JAK2: variants seen among roughly 807,000 people sequenced by gnomAD.
JAK2 encodes tyrosine-protein kinase JAK2.
JAK2 carries 86 observed loss-of-function variants against 139.3 expected under a neutral mutation model. The ratio of observed to expected loss-of-function variants is 0.62; its 90% CI spans 0.52 to 0.74. The LOEUF is 0.74. Ranked by LOEUF, JAK2 falls within the 30% of genes least tolerant of loss-of-function variation. The pLI, the probability that JAK2 is intolerant of heterozygous loss-of-function variation, is 0.00. For synonymous variants in JAK2, 490 were observed against 437.7 expected, an observed-to-expected ratio of 1.12 and a Z score of -1.49; for missense variants, 1,421 against 1,360.3, an observed-to-expected ratio of 1.04 and a Z score of -0.70.
intron 22 of JAK2, among the ~76,000 whole-genome samples, chr9:5,118,535 T>G (rs955157855): frequency 4.6e-5 from 7 of 152,218 alleles, no homozygotes; most frequent in African/African-American, 1.7e-4. Flanking sequence ...TTTAAAAATT[T>G]TATTGGTGAA....
rs1816496039 is a variant in JAK2 at position 5,041,383 on chromosome 9, G to A, written c.351-3020G>A. 3 of 628,770 alleles carry A rather than the reference G, an allele frequency of 4.8e-6. No individual in the cohort carries two copies. In the East Asian group the frequency reaches 8.9e-5, roughly 19 times the overall value. 38.9% of individuals were successfully genotyped at this position (628,770 alleles called of 1,614,324 possible). On this transcript the variant is annotated intron_variant, in intron 4 of 24. Coordinates refer to ENST00000381652, the MANE Select transcript of JAK2 (RefSeq NM_004972.4). ...GCATCAACATGCACCTGGGCAAGGA[G>A]CAGAGCCACTGCAACAACCTGGAGG...
chr9:5,052,075 T>C (rs184474179), intron 6 of JAK2, among the ~76,000 whole-genome samples: 85 of 152,182 alleles, frequency 5.6e-4, no homozygotes, highest in African/African-American at 1.8e-3. Context: ...TGTCGTTACA[T>C]AGAAACTGAA....
rs183689142 is a variant in JAK2 at position 4,991,855 on chromosome 9, A to G, written c.-26+5833A>G. ...GAAGAGCTCATCCCCTTTGCCTTCA[A>G]GGGCTTTACCATTATATTTCTCTCC... On this transcript the variant is annotated intron_variant, in intron 2 of 24. Coordinates refer to ENST00000381652, the MANE Select transcript of JAK2 (RefSeq NM_004972.4). Among the ~76,000 whole-genome samples the G allele has an allele frequency of 6.7e-4, 102 of 152,266 alleles. 1 individual carries two copies. The highest frequency in any genetic ancestry group is 2.4e-4 in the Non-Finnish European group (16 of 68,016).
At position 5,129,455 on chromosome 9, in the gene JAK2, T is replaced by C. The variant is rs1824204178; in HGVS notation, c.*2664T>C. 6.6e-6 allele frequency among the ~76,000 whole-genome samples: 1 copy of C among 152,146 alleles called. No individual in the cohort carries two copies. Among genetic ancestry groups the C allele is most frequent in the African/African-American group, 2.4e-5 (1 of 41,450 alleles). ...ACACTGTTGTATCCCATCCTAATTC[T>C]TGTACTGAAATTATTTCTCATGAAA... On this transcript the variant is annotated 3_prime_UTR_variant, in exon 25 of 25. Coordinates refer to ENST00000381652, the MANE Select transcript of JAK2 (RefSeq NM_004972.4).
At chr9:5,085,354 T>C in intron 19 of JAK2, 1 of 895,928 alleles carries the variant, frequency 1.1e-6, no homozygotes, top group South Asian at 1.3e-5. Flanking sequence ...ATTTTTTCCG[T>C]ACTGATAGGT....
chr9:5,025,528 A>T (rs1587841533), intron 3 of JAK2, among the ~76,000 whole-genome samples: 2 of 137,286 alleles, frequency 1.5e-5, no homozygotes, highest in Non-Finnish European at 3.1e-5. Flanking sequence ...AAGTGGATAG[A>T]GTTTGTTTCC....
In JAK2 at chr9:5,127,949, G is replaced by C. The variant is rs923096991; in HGVS notation, c.*1158G>C. 6 of 232,102 alleles carry C rather than the reference G, an allele frequency of 2.6e-5. No homozygotes were observed. Among genetic ancestry groups the C allele is most frequent in the Non-Finnish European group, 5.1e-5 (6 of 117,302 alleles). 14.4% of individuals were successfully genotyped at this position (232,102 alleles called of 1,614,324 possible). A position where few individuals can be genotyped will look rare whatever the true frequency, so the allele number is the denominator to read the frequency against. On this transcript the variant is annotated 3_prime_UTR_variant, in exon 25 of 25. Coordinates refer to ENST00000381652, the MANE Select transcript of JAK2 (RefSeq NM_004972.4). The stretch of plus-strand genomic sequence containing the variant: ...AGAATGCCAGTAGAAAATTCATAAC[G>C]TGTATCTTTAAGAAAAATGAGCATA...
At chr9:5,113,920 C>A (rs1054558595) in intron 22 of JAK2, 2 of 240,574 alleles carry the variant, frequency 8.3e-6, no homozygotes, top group South Asian at 5.1e-5. Flanking sequence ...TGGACACTTA[C>A]CCCCGACCAT....
chr9:5,069,818 T>C lies in JAK2; in HGVS notation c.1514-107T>C, dbSNP rs184489509. 2.2e-5 allele frequency: 12 copies of C among 546,250 alleles called. No homozygotes were observed. The African/African-American group carries it at 2.3e-4, about 11-fold the overall frequency. The allele number at this position is 546,250 out of a possible 1,614,324, so 33.8% of individuals were successfully genotyped here. A position where few individuals can be genotyped will look rare whatever the true frequency, so the allele number is the denominator to read the frequency against. The stretch of plus-strand genomic sequence containing the variant: ...TTATAAAAAAAGAACAATTAGGAGT[T>C]ATTAAGCATTTCTTATACGTAGAAC... On this transcript the variant is annotated intron_variant, in intron 11 of 24. Coordinates refer to ENST00000381652, the MANE Select transcript of JAK2 (RefSeq NM_004972.4).
chr9:5,051,577 A>G (rs1200145441), intron 6 of JAK2, among the ~76,000 whole-genome samples: 1 of 152,182 alleles, frequency 6.6e-6, no homozygotes, highest in Non-Finnish European at 1.5e-5. Context: ...CATTCTTCAA[A>G]TTATTCTTCT....
chr9:5,078,567 T>G (rs529801493), intron 16 of JAK2, 123 bp downstream of exon 16: 24 of 743,322 alleles, frequency 3.2e-5, no homozygotes, highest in Admixed American at 1.6e-4. Flanking sequence ...ATAATAAAAT[T>G]ATCACTTTTA....
chr9:5,117,804 A>G (rs1175828167), intron 22 of JAK2, among the ~76,000 whole-genome samples: 1 of 152,192 alleles, frequency 6.6e-6, no homozygotes, highest in Admixed American at 6.5e-5. Context: ...CCTGAGATCA[A>G]AAGCTTTGAG....
Position 5,080,337 on chromosome 9 carries a change from G to T in JAK2, c.2240G>T (p.Cys747Phe), listed in dbSNP as rs559874838. 6.2e-7 allele frequency: 1 copy of T among 1,613,798 alleles called. No homozygotes were observed. The highest frequency in any genetic ancestry group is 1.3e-5 in the African/African-American group (1 of 75,022). ...WSFGTTLWEICSGGDKPLSAL... is the reference protein window; with the variant it reads ...WSFGTTLWEIFSGGDKPLSAL... ...TTTGGTACCACTTTGTGGGAAATCT[G>T]CAGTGGAGGAGATAAACCTCTAAGT... The change falls in exon 17 of 25, where the codon TGC (cysteine) becomes TTC (phenylalanine). Residue 747 changes from cysteine to phenylalanine, a missense_variant. Coordinates refer to ENST00000381652, the MANE Select transcript of JAK2 (RefSeq NM_004972.4).
intron 2 of JAK2, among the ~76,000 whole-genome samples, chr9:5,008,188 A>G (rs567527460): frequency 1.3e-5 from 2 of 152,360 alleles, no homozygotes; most frequent in South Asian, 4.1e-4. Flanking sequence ...CATAAAGTCA[A>G]TATTATGGGT....
At chr9:5,079,661 C>T (rs1819546114) in intron 16 of JAK2, among the ~76,000 whole-genome samples, 1 of 151,902 alleles carries the variant, frequency 6.6e-6, no homozygotes, top group Non-Finnish European at 1.5e-5. Context: ...AAGATTTGGC[C>T]AGGTGCAGTG....
chr9:5,114,532 A>G, intron 22 of JAK2: 1 of 468,848 alleles, frequency 2.1e-6, no homozygotes, highest in South Asian at 1.7e-5. Context: ...GAGCCGAGGA[A>G]CCAGGACAAG....
chr9:5,085,311 T>C, intron 19 of JAK2: 1 of 744,554 alleles, frequency 1.3e-6, no homozygotes, highest in Non-Finnish European at 2.5e-6. Context: ...TGAAGTCGAA[T>C]ACATCATCTA....
chr9:5,023,771 G>C (rs1822590577), intron 3 of JAK2, among the ~76,000 whole-genome samples: 1 of 152,134 alleles, frequency 6.6e-6, no homozygotes, highest in African/African-American at 2.4e-5. Flanking sequence ...TTTTAGTGGG[G>C]AAGTGGATAT....
At chr9:5,043,212 A>C (rs369296250) in intron 4 of JAK2, among the ~76,000 whole-genome samples, 7 of 152,182 alleles carry the variant, frequency 4.6e-5, no homozygotes, top group African/African-American at 1.7e-4. Flanking sequence ...GGCAGTGCCC[A>C]GGGCGGTGGC....
Sources: allele counts gnomAD v4.1 joint callset (sites outside exome capture counted in the v4.1 genomes callset), GRCh38; gene constraint gnomAD v4.1.1; transcripts MANE v1.5; gene names NCBI Gene and HGNC (gene_info 2026-07-23, HGNC 2026-07-21).